ATRX: variants seen among roughly 807,000 people sequenced by gnomAD.
The protein encoded by ATRX is ATRX chromatin remodeler.
ATRX carries 12 observed loss-of-function variants against 172.6 expected under a neutral mutation model. That is an observed-to-expected ratio of 0.07 (90% CI 0.04 to 0.11). ATRX has a LOEUF of 0.11. Ranked by LOEUF, ATRX falls within the 10% of genes least tolerant of loss-of-function variation. The pLI is 1.00. For missense variants in ATRX, 1,368 were observed against 1,767.4 expected, an observed-to-expected ratio of 0.77 and a Z score of 4.05; for synonymous variants, 674 against 594.7, an observed-to-expected ratio of 1.13 and a Z score of -1.94.
rs1224231661 is a variant in ATRX, at chrX:77,507,975, AATAT to A, written c.*372_*375del. 1 of 187,373 alleles carries A rather than the reference AATAT, an allele frequency of 5.3e-6. No individual in the cohort carries two copies. Among genetic ancestry groups the A allele is most frequent in the African/African-American group, 2.9e-5 (1 of 34,286 alleles). The allele number at this position is 187,373 out of a possible 1,213,427, so 15.4% of individuals were successfully genotyped here. The stretch of plus-strand genomic sequence containing the variant: ...TGTGTGTTTTTATATGTAAAGAATG[AATAT>A]ATAAATCTTTATTCTTTCCTAAATT... On this transcript the variant is annotated 3_prime_UTR_variant, in exon 35 of 35. Transcript: ENST00000373344.
intron 1 of ATRX, among the ~76,000 whole-genome samples, chrX:77,727,306 T>C (rs2148797771): frequency 9.0e-6 from 1 of 111,517 alleles, no homozygotes; most frequent in African/African-American, 3.3e-5. Flanking sequence ...GAAATACCAT[T>C]TGACCCAGCA....
At chrX:77,606,775 C>T (rs1557090769) in intron 22 of ATRX, among the ~76,000 whole-genome samples, 1 of 83,604 alleles carries the variant, frequency 1.2e-5, no homozygotes, top group Non-Finnish European at 2.4e-5. Context: ...AAAAAAAAAA[C>T]CCACACACAC....
At chrX:77,700,842 G>T (rs782370936) in intron 2 of ATRX, among the ~76,000 whole-genome samples, 5 of 112,484 alleles carry the variant, frequency 4.4e-5, no homozygotes, top group Admixed American at 2.8e-4. Context: ...CAAAACTATG[G>T]AGAAAGTAAA....
intron 19 of ATRX, 133 bp downstream of exon 19, chrX:77,633,074 A>G: frequency 1.5e-6 from 1 of 673,002 alleles, no homozygotes; most frequent in Non-Finnish European, 2.3e-6. Context: ...AGAATTTTCT[A>G]AAAGGCAAAA....
chrX:77,764,453 T>C (rs1297767465), intron 1 of ATRX, among the ~76,000 whole-genome samples: 2 of 112,102 alleles, frequency 1.8e-5, no homozygotes, highest in Non-Finnish European at 3.8e-5. Context: ...TCAAAGAATT[T>C]AAGAGAATGT....
chrX:77,639,276 T>G (rs1158253781), intron 15 of ATRX, among the ~76,000 whole-genome samples: 3 of 112,092 alleles, frequency 2.7e-5, no homozygotes, highest in Non-Finnish European at 5.6e-5. Flanking sequence ...AAGTGAGCCC[T>G]TTAAATGACT....
chrX:77,553,116 T>C lies in ATRX; in HGVS notation c.6699+4335A>G, dbSNP rs1569521994. 2.7e-5 allele frequency among the ~76,000 whole-genome samples: 3 copies of C among 111,663 alleles called. No individual in the cohort carries two copies. The East Asian group carries it at 8.4e-4, about 31-fold the overall frequency. ...ACCAAAAAATCCATCACCATGAATA[T>C]CCAAACGTACCAAGAAATCCCTCGC... On this transcript the variant is annotated intron_variant, in intron 30 of 34. Coordinates refer to ENST00000373344, the MANE Select transcript of ATRX (RefSeq NM_000489.6).
intron 27 of ATRX, among the ~76,000 whole-genome samples, chrX:77,584,904 C>T (rs2065951518): frequency 9.0e-6 from 1 of 111,346 alleles, no homozygotes; most frequent in Admixed American, 9.6e-5. Flanking sequence ...ATGAAAACTA[C>T]CCATCTGACA....
chrX:77,634,621 G>A lies in ATRX; in HGVS notation c.4782C>T (p.His1594=). The part of the protein sequence containing the change: ...KSPGSGCILA[H]CMGLGKTLQV... Reference sequence around the variant, plus strand: ...GTAAAGTCTTACCAAGGCCCATACAGTGGGCAAGAATGCATCCTGAACCTG... The same window carrying A: ...GTAAAGTCTTACCAAGGCCCATACAATGGGCAAGAATGCATCCTGAACCTG... Residue 1594 remains histidine (H), a synonymous_variant, in exon 17 of 35, where the codon CAC becomes CAT. Coordinates refer to ENST00000373344, the MANE Select transcript of ATRX (RefSeq NM_000489.6). 1 of 1,209,732 alleles carries A rather than the reference G, an allele frequency of 8.3e-7. No homozygotes were observed. Among genetic ancestry groups the A allele is most frequent in the South Asian group, 1.8e-5 (1 of 56,953 alleles).
chrX:77,758,253 G>A (rs1217898655), intron 1 of ATRX, among the ~76,000 whole-genome samples: 1 of 106,762 alleles, frequency 9.4e-6, no homozygotes, highest in Non-Finnish European at 1.9e-5. Flanking sequence ...AGGCAGGTGT[G>A]GTGGCGGGCG....
chrX:77,543,046 T>C (rs1247394385), intron 30 of ATRX, among the ~76,000 whole-genome samples: 2 of 110,760 alleles, frequency 1.8e-5, no homozygotes, highest in Non-Finnish European at 3.8e-5. Flanking sequence ...CAGGAGAAAA[T>C]TTTTGCAATC....
intron 30 of ATRX, among the ~76,000 whole-genome samples, chrX:77,552,958 TGAAA>T (rs1557057162): frequency 9.0e-6 from 1 of 111,598 alleles, no homozygotes; most frequent in Non-Finnish European, 1.9e-5. Context: ...TAACAGCAAT[TGAAA>T]GGATGAAAAT....
chrX:77,725,422 G>C (rs376385189), intron 1 of ATRX, among the ~76,000 whole-genome samples: 1 of 111,802 alleles, frequency 8.9e-6, no homozygotes. Context: ...TAGCCATATG[G>C]AGAAAGCTGA....
intron 1 of ATRX, among the ~76,000 whole-genome samples, chrX:77,779,988 T>C (rs1469703999): frequency 8.9e-6 from 1 of 111,846 alleles, no homozygotes; most frequent in African/African-American, 3.2e-5. Context: ...AGAACTAACA[T>C]AGGTATTTTC....
At chrX:77,662,178 A>T (rs1218578205) in intron 12 of ATRX, among the ~76,000 whole-genome samples, 2 of 111,491 alleles carry the variant, frequency 1.8e-5, no homozygotes, top group Non-Finnish European at 3.8e-5. Context: ...ATGGTGCTAT[A>T]ATTTTTTTAT....
At chrX:77,645,061 C>T (rs1229172172) in intron 15 of ATRX, among the ~76,000 whole-genome samples, 4 of 111,352 alleles carry the variant, frequency 3.6e-5, no homozygotes, top group Non-Finnish European at 7.5e-5. Context: ...CCTAATTTCT[C>T]ATCAAAAACT....
chrX:77,676,534 C>A (rs1348216489), intron 9 of ATRX, among the ~76,000 whole-genome samples: 1 of 111,690 alleles, frequency 9.0e-6, no homozygotes, highest in Non-Finnish European at 1.9e-5. Flanking sequence ...CTTCCCAGGG[C>A]ACAAGGCTTT....
intron 9 of ATRX, among the ~76,000 whole-genome samples, chrX:77,679,189 A>G (rs1221858964): frequency 4.5e-5 from 5 of 111,081 alleles, no homozygotes; most frequent in African/African-American, 1.6e-4. Context: ...TTCTATTGAC[A>G]AGGCCCAATT....
chrX:77,594,986 T>C (rs988400815), intron 25 of ATRX: 1 of 111,900 alleles, frequency 8.9e-6, no homozygotes, highest in Admixed American at 9.5e-5. Context: ...ATCTAGATTG[T>C]TTCTTGTTTT....
Sources: gnomAD v4.1 joint callset for allele counts (sites outside exome capture counted in the v4.1 genomes callset) on GRCh38, gnomAD v4.1.1 for gene constraint, MANE v1.5 for transcripts, NCBI Gene and HGNC (gene_info 2026-07-23, HGNC 2026-07-21) for gene names.